Variants in PATJ observed in about 807,000 individuals in gnomAD.
PATJ encodes inaD-like protein.
PATJ carries 190 observed loss-of-function variants against 224.9 expected under a neutral mutation model. The ratio of observed to expected loss-of-function variants is 0.84; its 90% CI spans 0.75 to 0.95. PATJ has a LOEUF of 0.95. Ranked by LOEUF, PATJ falls within the 40% of genes least tolerant of loss-of-function variation. The pLI is 0.00. For missense variants in PATJ, 2,121 were observed against 2,270.3 expected (o/e 0.93, Z 1.34); for synonymous variants, 769 against 820.3 (o/e 0.94, Z 1.07).
At chr1:61,979,406 G>A (rs1260105415) in intron 27 of PATJ, among the ~76,000 whole-genome samples, 1 of 152,044 alleles carries the variant, frequency 6.6e-6, no homozygotes, top group African/African-American at 2.4e-5. Flanking sequence ...TGTAATCCCA[G>A]CACTTTGGGA....
intron 27 of PATJ, among the ~76,000 whole-genome samples, chr1:61,966,720 A>C (rs1682212785): frequency 6.6e-6 from 1 of 151,906 alleles, no homozygotes. Flanking sequence ...TTATTAGGAA[A>C]GTAAAGGAAT....
At chr1:61,981,385 G>A (rs1644439742) in intron 27 of PATJ, among the ~76,000 whole-genome samples, 1 of 151,944 alleles carries the variant, frequency 6.6e-6, no homozygotes. Context: ...TAAGCACCAA[G>A]GGTGATATTT....
Position 62,126,620 on chromosome 1 carries a change from T to G in PATJ, c.5044-1352T>G, listed in dbSNP as rs151252894. On this transcript the variant is annotated intron_variant, in intron 39 of 43. Transcript: ENST00000642238. ...CCAGAGTCCGTCTTGGGGAACATTT[T>G]CAGCCACATTTTATGTCTGTCTTCA... Among the ~76,000 whole-genome samples, 11 of 152,352 alleles carry G rather than the reference T, an allele frequency of 7.2e-5. 2 individuals are homozygous for G. Among genetic ancestry groups the G allele is most frequent in the Non-Finnish European group, 1.6e-4 (11 of 68,042 alleles).
intron 27 of PATJ, among the ~76,000 whole-genome samples, chr1:61,942,267 T>G (rs1314686823): frequency 6.6e-6 from 1 of 152,186 alleles, no homozygotes; most frequent in African/African-American, 2.4e-5. Flanking sequence ...ATATGCTTAT[T>G]TGAAAGAAAA....
chr1:61,788,187 G>A (rs765454448), intron 8 of PATJ, among the ~76,000 whole-genome samples: 1 of 152,086 alleles, frequency 6.6e-6, no homozygotes, highest in Non-Finnish European at 1.5e-5. Flanking sequence ...CTGAGCGTCA[G>A]TGACTTATTT....
chr1:61,978,522 C>T (rs931156888), intron 27 of PATJ, among the ~76,000 whole-genome samples: 2 of 152,066 alleles, frequency 1.3e-5, no homozygotes, highest in African/African-American at 4.8e-5. Context: ...GCCTCGGCCT[C>T]CCAAAGTGCT....
rs1652493561 is a variant in PATJ, at chr1:61,801,556, T to A, written c.1403-67T>A. The A allele has an allele frequency of 1.0e-5, 10 of 952,740 alleles. No homozygotes were observed. In the South Asian group the frequency reaches 2.0e-4, roughly 19 times the overall value. 59.0% of individuals were successfully genotyped at this position (952,740 alleles called of 1,614,324 possible). On this transcript the variant is annotated intron_variant, in intron 11 of 43. Coordinates refer to ENST00000642238, the MANE Select transcript of PATJ (RefSeq NM_001350145.3). The stretch of plus-strand genomic sequence containing the variant: ...GTAAAATCTGCTCACTTAAATATAG[T>A]CCTCAACAACTAATAATTCAAGTTA...
intron 14 of PATJ, among the ~76,000 whole-genome samples, chr1:61,812,001 C>T (rs563041257): frequency 6.6e-6 from 1 of 151,710 alleles, no homozygotes; most frequent in African/African-American, 2.4e-5. Context: ...GCGGAGCTTG[C>T]AGTGAGCCGA....
intron 22 of PATJ, among the ~76,000 whole-genome samples, chr1:61,892,479 T>G (rs1669735288): frequency 6.6e-6 from 1 of 152,164 alleles, no homozygotes; most frequent in Non-Finnish European, 1.5e-5. Context: ...ACTTGTTTGC[T>G]CATGGGGTAC....
chr1:61,813,846 A>G (rs925273483), intron 14 of PATJ, among the ~76,000 whole-genome samples: 1 of 152,104 alleles, frequency 6.6e-6, no homozygotes, highest in Non-Finnish European at 1.5e-5. Context: ...ATGAACAATA[A>G]TAATTGTGTT....
intron 22 of PATJ, among the ~76,000 whole-genome samples, chr1:61,897,401 C>CA (rs1221050029): frequency 6.6e-6 from 1 of 152,138 alleles, no homozygotes; most frequent in East Asian, 1.9e-4. Flanking sequence ...AAGTTTTTTT[C>CA]ATGTGAAAAG....
intron 28 of PATJ, among the ~76,000 whole-genome samples, chr1:61,997,520 T>A (rs6703123): frequency 0.066 from 10,115 of 152,228 alleles, 938 homozygotes; most frequent in African/African-American, 0.21. Context: ...ATTGAGAGTG[T>A]GGTTAGGGTG....
intron 38 of PATJ, 47 bp downstream of exon 38, chr1:62,121,342 T>TAAAAAAA: frequency 1.2e-6 from 1 of 845,668 alleles, no homozygotes; most frequent in African/African-American, 1.8e-5. Context: ...TTACCCAAAT[T>TAAAAAAA]AAAAAAAAAA....
chr1:61,912,096 T>A (rs1031685790), intron 25 of PATJ, among the ~76,000 whole-genome samples: 1 of 152,056 alleles, frequency 6.6e-6, no homozygotes, highest in Non-Finnish European at 1.5e-5. Flanking sequence ...TGTATTCCAG[T>A]TGTGCTTACC....
intron 27 of PATJ, among the ~76,000 whole-genome samples, chr1:61,959,432 T>G (rs796566033): frequency 1.7e-5 from 2 of 118,138 alleles, no homozygotes; most frequent in East Asian, 4.2e-4. Context: ...TATATTTTTT[T>G]TCTTTTCTTT....
Position 62,156,092 on chromosome 1 carries a change from T to C in PATJ, c.5502+2611T>C, listed in dbSNP as rs1308829702. On this transcript the variant is annotated intron_variant, in intron 43 of 43. Coordinates refer to ENST00000642238, the MANE Select transcript of PATJ (RefSeq NM_001350145.3). ...AAAAAAAAAAAAAAGAATATTCCAA[T>C]AGGGCAGGACATGGTGGCTCCACCT... Among the ~76,000 whole-genome samples, 3 of 115,288 alleles carry C rather than the reference T, an allele frequency of 2.6e-5. No homozygotes were observed. In the East Asian group the frequency reaches 8.5e-4, roughly 33 times the overall value. 75.6% of individuals were successfully genotyped at this position (115,288 alleles called of 152,430 possible). A position where few individuals can be genotyped will look rare whatever the true frequency, so the allele number is the denominator to read the frequency against.
At chr1:62,129,891 A>T (rs1048779598) in intron 41 of PATJ, among the ~76,000 whole-genome samples, 1 of 152,094 alleles carries the variant, frequency 6.6e-6, no homozygotes, top group Non-Finnish European at 1.5e-5. Flanking sequence ...GTGAGCCAAG[A>T]TTGCTCCACT....
chr1:61,941,558 C>T (rs903219220), intron 27 of PATJ, among the ~76,000 whole-genome samples: 4 of 152,006 alleles, frequency 2.6e-5, no homozygotes, highest in Non-Finnish European at 5.9e-5. Flanking sequence ...GGCTGAAGCA[C>T]GAGAATTGCT....
intron 14 of PATJ, among the ~76,000 whole-genome samples, chr1:61,813,079 C>G (rs2148661283): frequency 6.6e-6 from 1 of 151,962 alleles, no homozygotes; most frequent in South Asian, 2.1e-4. Context: ...CTGCCCTGAT[C>G]AGGCTCCATT....
Sources: gnomAD v4.1 joint callset for allele counts (sites outside exome capture counted in the v4.1 genomes callset) on GRCh38, gnomAD v4.1.1 for gene constraint, MANE v1.5 for transcripts, NCBI Gene and HGNC (gene_info 2026-07-23, HGNC 2026-07-21) for gene names.